Variants in EHBP1 observed in about 807,000 individuals in gnomAD.
EHBP1 encodes the protein EH domain-binding protein 1.
In EHBP1, 55 loss-of-function variants were observed where a neutral mutation model predicts 144.0. The ratio of observed to expected loss-of-function variants is 0.38; its 90% CI spans 0.31 to 0.48. The LOEUF is 0.48. Among genes scored for constraint, EHBP1 ranks in the 20% least tolerant of loss-of-function variants. The pLI is 0.98. For missense variants in EHBP1, 1,200 were observed against 1,364.2 expected (o/e 0.88, Z 1.90); for synonymous variants, 469 against 472.7 (o/e 0.99, Z 0.10).
chr2:62,808,282 G>T (rs1156352770), intron 5 of EHBP1, among the ~76,000 whole-genome samples: 1 of 121,138 alleles, frequency 8.3e-6, no homozygotes, highest in Non-Finnish European at 1.7e-5. Flanking sequence ...TTCTGTAGTT[G>T]TCCCACAGTC....
intron 3 of EHBP1, among the ~76,000 whole-genome samples, chr2:62,757,449 G>T (rs1487836895): frequency 7.9e-6 from 1 of 126,336 alleles, no homozygotes; most frequent in African/African-American, 3.0e-5. Context: ...TTTTTTTGAG[G>T]CAGAGTCTTG....
chr2:62,698,880 C>T (rs1020874679), intron 1 of EHBP1, among the ~76,000 whole-genome samples: 9 of 152,196 alleles, frequency 5.9e-5, no homozygotes, highest in Admixed American at 2.0e-4. Context: ...GGTTTATTTT[C>T]CAGCTCTACT....
intron 5 of EHBP1, among the ~76,000 whole-genome samples, chr2:62,809,601 A>T (rs2044817117): frequency 1.3e-5 from 2 of 152,158 alleles, no homozygotes; most frequent in Middle Eastern, 3.4e-3. Flanking sequence ...GGATCCTGTC[A>T]CCCAGATAGT....
At chr2:62,793,833 C>T (rs948653993) in intron 5 of EHBP1, among the ~76,000 whole-genome samples, 6 of 151,904 alleles carry the variant, frequency 3.9e-5, no homozygotes, top group African/African-American at 9.7e-5. Context: ...TAGAAATAAA[C>T]AATGGTTGCC....
At chr2:62,683,035 A>T (rs1251067338) in intron 1 of EHBP1, among the ~76,000 whole-genome samples, 2 of 152,190 alleles carry the variant, frequency 1.3e-5, no homozygotes, top group Non-Finnish European at 2.9e-5. Flanking sequence ...AGCAGCAGAA[A>T]ATTTATCTCA....
At chr2:62,781,153 G>A (rs1325184637) in intron 5 of EHBP1, among the ~76,000 whole-genome samples, 1 of 152,028 alleles carries the variant, frequency 6.6e-6, no homozygotes, top group Admixed American at 6.6e-5. Flanking sequence ...TGAAGATTAA[G>A]TTTAGGATGT....
chr2:63,037,470 T>C (rs1261039374), intron 19 of EHBP1, 65 bp from the exon 20 acceptor site: 3 of 1,032,140 alleles, frequency 2.9e-6, no homozygotes, highest in Non-Finnish European at 4.4e-6. Flanking sequence ...AAAAATTATG[T>C]GCTAAACTAC....
intron 10 of EHBP1, 80 bp from the exon 11 acceptor site, chr2:62,942,638 G>T (rs2056826301): frequency 7.8e-7 from 1 of 1,277,286 alleles, no homozygotes; most frequent in South Asian, 1.8e-5. Context: ...GGGTTCAAAT[G>T]ATCTGATTAG....
intron 10 of EHBP1, among the ~76,000 whole-genome samples, chr2:62,896,203 T>G (rs1282822090): frequency 6.6e-6 from 1 of 152,132 alleles, no homozygotes; most frequent in Non-Finnish European, 1.5e-5. Flanking sequence ...GAGACAACAG[T>G]AAGGGAGAAG....
In EHBP1 at chr2:62,874,346, A is replaced by C; in HGVS notation, c.999A>C (p.Glu333Asp). The C allele has an allele frequency of 6.3e-7, 1 of 1,579,358 alleles. No individual in the cohort carries two copies. Among genetic ancestry groups the C allele is most frequent in the Non-Finnish European group, 8.6e-7 (1 of 1,161,972 alleles). ...SSKTEEEELD[E>D]SNPFYEPKST... The stretch of plus-strand genomic sequence containing the variant: ...TAACAATAATTCTTCTTTCACTTAG[A>C]TCAAATCCTTTTTATGAACCTAAAT... Residue 333 changes from glutamate (E) to aspartate (D), a missense_variant and splice_region_variant, in exon 10 of 23, where the codon GAA (glutamate) becomes GAC (aspartate). Glu to Asp is a conservative substitution (Grantham distance 45). This residue lies in a region of EHBP1 where 266 missense variants were observed against 262.4 expected (regional missense o/e 1.01). Coordinates refer to ENST00000431489, the MANE Select transcript of EHBP1 (RefSeq NM_001142616.3).
At position 62,808,988 on chromosome 2, in the gene EHBP1, C is replaced by A. The variant is rs772223408; in HGVS notation, c.313-17099C>A. Among the ~76,000 whole-genome samples the A allele has an allele frequency of 7.9e-5, 12 of 152,274 alleles. No individual in the cohort carries two copies. In the South Asian group the frequency reaches 8.3e-4, roughly 11 times the overall value. ...CTGGTTAAACAGTTTCTCTTGAGGG[C>A]AGACCTTGGTAAGAGCAGAGTAGGC... On this transcript the variant is annotated intron_variant, in intron 5 of 22. Transcript: ENST00000431489.
intron 13 of EHBP1, among the ~76,000 whole-genome samples, chr2:62,953,943 A>AT (rs1170158856): frequency 6.6e-6 from 1 of 152,220 alleles, no homozygotes; most frequent in Non-Finnish European, 1.5e-5. Context: ...CTTAAAGATG[A>AT]TCCCTCATTT....
intron 7 of EHBP1, among the ~76,000 whole-genome samples, chr2:62,841,206 T>C (rs1167549927): frequency 6.6e-6 from 1 of 151,986 alleles, no homozygotes; most frequent in Non-Finnish European, 1.5e-5. Context: ...TGGATGAAAT[T>C]GGAAATCAGC....
chr2:62,724,133 C>T (rs2036514580), intron 2 of EHBP1, among the ~76,000 whole-genome samples: 1 of 152,198 alleles, frequency 6.6e-6, no homozygotes, highest in South Asian at 2.1e-4. Flanking sequence ...TTGGTCTCTT[C>T]ACATAATCCC....
At chr2:62,696,959 TTTTTTAAATTTTTTGATAA>T in intron 1 of EHBP1, among the ~76,000 whole-genome samples, 1 of 152,238 alleles carries the variant, frequency 6.6e-6, no homozygotes, top group East Asian at 1.9e-4. Flanking sequence ...CTTTGTTTTC[TTTTTTAAATTTTTTGATAA>T]TTTAAGGAGT....
upstream of EHBP1, among the ~76,000 whole-genome samples, chr2:62,704,065 G>A (rs1402408989): frequency 6.6e-6 from 1 of 152,186 alleles, no homozygotes; most frequent in Non-Finnish European, 1.5e-5. Flanking sequence ...TAAAGATGCA[G>A]AATATATTAT....
rs535024670 is a variant in EHBP1 at position 63,004,674 on chromosome 2, A to G, written c.3103+7908A>G. On this transcript the variant is annotated intron_variant, in intron 19 of 22. Coordinates refer to ENST00000431489, the MANE Select transcript of EHBP1 (RefSeq NM_001142616.3). ...TAATGAAATTTATGTCACAGTATTC[A>G]TTAAATTTGTAATTTTAGCATACAG... is the stretch of plus-strand genomic sequence containing the variant. Among the ~76,000 whole-genome samples, 138 of 152,240 alleles carry G rather than the reference A, an allele frequency of 9.1e-4. 1 individual carries two copies. Among genetic ancestry groups the G allele is most frequent in the African/African-American group, 3.3e-3 (136 of 41,562 alleles).
At chr2:62,696,481 T>TTTTCC (rs1259356634) in intron 1 of EHBP1, among the ~76,000 whole-genome samples, 1 of 150,228 alleles carries the variant, frequency 6.7e-6, no homozygotes, top group East Asian at 1.9e-4. Context: ...CTCTTTTTTC[T>TTTTCC]TTTTCTTTTC....
intron 7 of EHBP1, among the ~76,000 whole-genome samples, chr2:62,851,628 G>A (rs576923736): frequency 6.6e-6 from 1 of 152,154 alleles, no homozygotes; most frequent in Non-Finnish European, 1.5e-5. Flanking sequence ...CATGTAATAG[G>A]TACTTGATAA....
Sources: gnomAD v4.1 joint callset for allele counts (sites outside exome capture counted in the v4.1 genomes callset) on GRCh38, gnomAD v4.1.1 for gene constraint, gnomAD v4.1.1 regional missense constraint, MANE v1.5 for transcripts, NCBI Gene and HGNC (gene_info 2026-07-23, HGNC 2026-07-21) for gene names.